DLG2: variants seen among roughly 807,000 people sequenced by gnomAD.
DLG2 encodes the protein disks large homolog 2.
DLG2 carries 45 observed loss-of-function variants against 132.5 expected under a neutral mutation model. That is an observed-to-expected ratio of 0.34 (90% CI 0.27 to 0.44). DLG2 has a LOEUF of 0.44. Among genes scored for constraint, DLG2 ranks in the 20% least tolerant of loss-of-function variants. The pLI is 1.00. For missense variants in DLG2, 1,045 were observed against 1,196.9 expected (o/e 0.87, Z 1.87); for synonymous variants, 424 against 419.6 (o/e 1.01, Z -0.13).
At chr11:85,419,240 G>A (rs1389821028) in intron 3 of DLG2, among the ~76,000 whole-genome samples, 1 of 152,176 alleles carries the variant, frequency 6.6e-6, no homozygotes, top group Non-Finnish European at 1.5e-5. Context: ...TAAGAGTGTT[G>A]AATATTGGCA....
chr11:84,304,883 T>C (rs1412891330), intron 7 of DLG2, among the ~76,000 whole-genome samples: 1 of 152,182 alleles, frequency 6.6e-6, no homozygotes, highest in African/African-American at 2.4e-5. Context: ...CAAAACAATA[T>C]TGAATATCTC....
At chr11:84,841,301 C>G (rs1390985181) in intron 6 of DLG2, among the ~76,000 whole-genome samples, 1 of 151,704 alleles carries the variant, frequency 6.6e-6, no homozygotes, top group Non-Finnish European at 1.5e-5. Flanking sequence ...ATTTTGTTTC[C>G]CGAAAGTTGG....
At chr11:84,497,011 T>C (rs893389744) in intron 7 of DLG2, among the ~76,000 whole-genome samples, 2 of 152,120 alleles carry the variant, frequency 1.3e-5, no homozygotes, top group Non-Finnish European at 2.9e-5. Flanking sequence ...CCTTTTCCCT[T>C]CATTATCTGA....
chr11:83,918,593 T>G (rs974821304), intron 15 of DLG2, among the ~76,000 whole-genome samples: 2 of 152,218 alleles, frequency 1.3e-5, no homozygotes, highest in Admixed American at 6.5e-5. Flanking sequence ...AGAGGCTGAC[T>G]TTATGAGTCA....
chr11:83,807,045 A>T (rs552527248), intron 17 of DLG2, among the ~76,000 whole-genome samples: 1 of 152,282 alleles, frequency 6.6e-6, no homozygotes, highest in African/African-American at 2.4e-5. Flanking sequence ...AGCATTACTG[A>T]TTTCAAAAAA....
At chr11:84,849,769 T>C (rs1490000758) in intron 6 of DLG2, among the ~76,000 whole-genome samples, 1 of 152,240 alleles carries the variant, frequency 6.6e-6, no homozygotes, top group South Asian at 2.1e-4. Flanking sequence ...TTTGTGTACT[T>C]TGGTGCTGTT....
chr11:84,637,754 C>T (rs1261668338), intron 6 of DLG2, among the ~76,000 whole-genome samples: 5 of 152,216 alleles, frequency 3.3e-5, no homozygotes, highest in Non-Finnish European at 7.4e-5. Flanking sequence ...GATCTGATGT[C>T]TATGGCCTGA....
chr11:85,616,376 GA>G (rs1022424031), intron 2 of DLG2, among the ~76,000 whole-genome samples: 1 of 152,168 alleles, frequency 6.6e-6, no homozygotes, highest in Non-Finnish European at 1.5e-5. Flanking sequence ...ATTTTCACAG[GA>G]TCTTGGTGGC....
At chr11:85,021,411 A>T in intron 6 of DLG2, 3 of 1,384,832 alleles carry the variant, frequency 2.2e-6, no homozygotes, top group Non-Finnish European at 3.1e-6. Flanking sequence ...CCAGGTTAAT[A>T]TCTAAAACCT....
chr11:85,222,054 C>G (rs117849765), intron 4 of DLG2, among the ~76,000 whole-genome samples: 2,736 of 152,172 alleles, frequency 0.018, 50 homozygotes, highest in Admixed American at 0.035. Flanking sequence ...TCTCCCACCT[C>G]AGCCTCCCCA....
chr11:85,292,114 A>C (rs1037453254), intron 3 of DLG2, among the ~76,000 whole-genome samples: 1 of 152,178 alleles, frequency 6.6e-6, no homozygotes, highest in African/African-American at 2.4e-5. Context: ...AGGGAGTCAG[A>C]TAAATGTTCA....
intron 7 of DLG2, among the ~76,000 whole-genome samples, chr11:84,525,260 G>A (rs533897241): frequency 1.3e-4 from 19 of 151,998 alleles, no homozygotes; most frequent in Middle Eastern, 6.8e-3. Flanking sequence ...TTCTACCTGG[G>A]TATAACATAA....
rs190870719 is a variant in DLG2 at position 84,124,739 on chromosome 11, C to G, written c.625-25692G>C. Among the ~76,000 whole-genome samples the G allele has an allele frequency of 3.6e-3, 545 of 151,924 alleles. 6 individuals carry two copies. The highest frequency in any genetic ancestry group is 0.012 in the African/African-American group (497 of 41,442). On this transcript the variant is annotated intron_variant, in intron 9 of 27. Coordinates refer to ENST00000376104, the MANE Select transcript of DLG2 (RefSeq NM_001142699.3). ...TCTTATTTTGAAATATTGAATCTGC[C>G]AAACAAACTAGATTTATTGTCTTTA... is the stretch of plus-strand genomic sequence containing the variant.
At chr11:83,574,293 C>G (rs1177818821) in intron 19 of DLG2, among the ~76,000 whole-genome samples, 1 of 151,964 alleles carries the variant, frequency 6.6e-6, no homozygotes, top group Non-Finnish European at 1.5e-5. Context: ...AGACATACTT[C>G]AATCAATTTA....
chr11:85,491,140 A>T (rs1478881300), intron 3 of DLG2, among the ~76,000 whole-genome samples: 1 of 152,128 alleles, frequency 6.6e-6, no homozygotes, highest in African/African-American at 2.4e-5. Context: ...CAAACGTGAT[A>T]CCTTATATAA....
chr11:84,546,639 TC>T, intron 6 of DLG2: 1 of 529,194 alleles, frequency 1.9e-6, no homozygotes, highest in Non-Finnish European at 3.7e-6. Context: ...TAGGGCTGCA[TC>T]CACCTCCTCC....
intron 6 of DLG2, among the ~76,000 whole-genome samples, chr11:84,810,195 T>C (rs2076405933): frequency 6.6e-6 from 1 of 151,834 alleles, no homozygotes; most frequent in African/African-American, 2.4e-5. Context: ...TAGGAGAAAA[T>C]ATTTGTAAAG....
chr11:85,609,687 G>T (rs191209839), intron 2 of DLG2, among the ~76,000 whole-genome samples: 5 of 152,170 alleles, frequency 3.3e-5, no homozygotes, highest in Non-Finnish European at 7.3e-5. Flanking sequence ...AGGACTGAGG[G>T]TGCCTGGGGC....
intron 11 of DLG2, among the ~76,000 whole-genome samples, chr11:84,047,573 T>C (rs2154115506): frequency 6.6e-6 from 1 of 151,732 alleles, no homozygotes; most frequent in East Asian, 1.9e-4. Flanking sequence ...ACAGGGCTTG[T>C]TGTGTGAATG....
Sources: gnomAD v4.1 joint callset for allele counts (sites outside exome capture counted in the v4.1 genomes callset) on GRCh38, gnomAD v4.1.1 for gene constraint, MANE v1.5 for transcripts, NCBI Gene and HGNC (gene_info 2026-07-23, HGNC 2026-07-21) for gene names.